RBL1: variants seen among roughly 807,000 people sequenced by gnomAD.
The protein encoded by RBL1 is RB transcriptional corepressor like 1, also known as retinoblastoma-like protein 1.
In RBL1, 82 loss-of-function variants were observed where a neutral mutation model predicts 123.0. The observed-to-expected ratio is 0.67, with a 90% confidence interval of 0.56 to 0.80. The LOEUF (loss-of-function observed/expected upper bound fraction) is 0.80. RBL1 is among the 30% of genes least tolerant of loss of function. The probability of loss-of-function intolerance (pLI) is 0.00; values close to 1 mark genes in which losing one functional copy is unlikely to be tolerated. For synonymous variants in RBL1, 405 were observed against 441.3 expected (o/e 0.92, Z 1.03); for missense variants, 1,171 against 1,299.6 (o/e 0.90, Z 1.52).
intron 18 of RBL1, among the ~76,000 whole-genome samples, chr20:37,018,629 C>G (rs1394399979): frequency 6.6e-6 from 1 of 152,126 alleles, no homozygotes; most frequent in African/African-American, 2.4e-5. Context: ...GACTGATGAT[C>G]AGGTTTTACT....
At chr20:37,035,113 A>G in intron 15 of RBL1, 129 bp downstream of exon 15, 2 of 929,608 alleles carry the variant, frequency 2.2e-6, no homozygotes, top group Non-Finnish European at 3.1e-6. Flanking sequence ...ATTCAAATCT[A>G]TTTAAAAAAA....
In RBL1 at chr20:37,061,227, A is replaced by G; in HGVS notation, c.1126T>C (p.Tyr376His). The G allele has an allele frequency of 6.2e-7, 1 of 1,614,096 alleles. No homozygotes were observed. Among genetic ancestry groups the G allele is most frequent in the Non-Finnish European group, 8.5e-7 (1 of 1,180,008 alleles). Residue 376 changes from tyrosine (Y) to histidine (H), a missense_variant, in exon 9 of 22, where the codon TAT becomes CAT. Transcript: ENST00000373664. ...APSTPLTGRR[Y>H]LREKEAVITP... ...ATGACTGCTTCTTTTTCTCGTAAAT[A>G]TCTCCGTCCGGTCAGTGGGGTAGAA...
chr20:37,068,745 G>A (rs969314587), intron 2 of RBL1, among the ~76,000 whole-genome samples: 4 of 150,992 alleles, frequency 2.6e-5, no homozygotes, highest in African/African-American at 9.8e-5. Flanking sequence ...TATAAAATTA[G>A]TTTGAGATCA....
intron 16 of RBL1, among the ~76,000 whole-genome samples, chr20:37,027,405 C>A (rs1472850982): frequency 6.6e-6 from 1 of 152,122 alleles, no homozygotes; most frequent in Non-Finnish European, 1.5e-5. Flanking sequence ...GACCCAGGTA[C>A]TCGGAGGGTA....
rs2065280307 is a variant in RBL1 at position 37,071,444 on chromosome 20, C to T, written c.291-3258G>A. 2.6e-5 allele frequency among the ~76,000 whole-genome samples: 4 copies of T among 152,088 alleles called. No homozygotes were observed. The South Asian group carries it at 8.3e-4, about 32-fold the overall frequency. ...GGTGAGGCTGGAGGATCACCTGAGC[C>T]CACCAGTTTGAGACCAGCTTGGGCA... On this transcript the variant is annotated intron_variant, in intron 2 of 21. Transcript: ENST00000373664.
chr20:36,997,544 A>G lies in RBL1; in HGVS notation c.*1215T>C, dbSNP rs1035286233. ...TGAGATGATATTTATGTGATTTTTA[A>G]AAGGTTTAAAATATTCTTAGGGACT... On this transcript the variant is annotated 3_prime_UTR_variant, in exon 22 of 22. Transcript: ENST00000373664. 6.6e-6 allele frequency: 1 copy of G among 152,190 alleles called. No individual in the cohort carries two copies. The highest frequency in any genetic ancestry group is 2.4e-5 in the African/African-American group (1 of 41,442). 9.4% of individuals were successfully genotyped at this position (152,190 alleles called of 1,614,324 possible). A position where few individuals can be genotyped will look rare whatever the true frequency, so the allele number is the denominator to read the frequency against.
chr20:37,005,566 A>G (rs2064057288), intron 20 of RBL1, among the ~76,000 whole-genome samples: 1 of 152,214 alleles, frequency 6.6e-6, no homozygotes, highest in Non-Finnish European at 1.5e-5. Flanking sequence ...TCCAACGTGG[A>G]AAAAATCTGT....
At chr20:37,069,968 G>A (rs886129709) in intron 2 of RBL1, among the ~76,000 whole-genome samples, 3 of 152,244 alleles carry the variant, frequency 2.0e-5, no homozygotes, top group African/African-American at 7.2e-5. Context: ...TCTGGGAGGT[G>A]TGCCCAACAG....
intron 1 of RBL1, among the ~76,000 whole-genome samples, chr20:37,090,392 A>C (rs1213617181): frequency 6.6e-6 from 1 of 152,246 alleles, no homozygotes; most frequent in East Asian, 1.9e-4. Flanking sequence ...AAAATTTGTC[A>C]GCATGACTTT....
intron 2 of RBL1, among the ~76,000 whole-genome samples, chr20:37,085,731 A>G (rs1427403578): frequency 2.4e-5 from 3 of 125,706 alleles, no homozygotes; most frequent in African/African-American, 9.5e-5. Flanking sequence ...TCGGCTCGCT[A>G]TAAGCGCCGC....
At chr20:37,060,029 G>A (rs6017156) in intron 9 of RBL1, among the ~76,000 whole-genome samples, 19 of 152,050 alleles carry the variant, frequency 1.2e-4, no homozygotes, top group African/African-American at 4.3e-4. Flanking sequence ...AAAATTAGCT[G>A]GGCGTGGTGG....
chr20:37,085,093 T>G (rs1292184605), intron 2 of RBL1, among the ~76,000 whole-genome samples: 1 of 151,410 alleles, frequency 6.6e-6, no homozygotes, highest in Non-Finnish European at 1.5e-5. Flanking sequence ...AATGGTTAAT[T>G]ACGGAGAGTG....
At position 37,062,645 on chromosome 20, in the gene RBL1, C is replaced by CAAAAAA. The variant is rs60370479; in HGVS notation, c.897-381_897-376dup. Among the ~76,000 whole-genome samples the CAAAAAA allele has an allele frequency of 5.0e-5, 2 of 40,110 alleles. 1 individual carries two copies. Among genetic ancestry groups the CAAAAAA allele is most frequent in the African/African-American group, 2.0e-4 (2 of 9,812 alleles). 26.3% of individuals were successfully genotyped at this position (40,110 alleles called of 152,430 possible). On this transcript the variant is annotated intron_variant, in intron 7 of 21. Coordinates refer to ENST00000373664, the MANE Select transcript of RBL1 (RefSeq NM_002895.5). ...CTGGCAACAGAACAAGACTCTGTCT[C>CAAAAAA]AAAAAAAAAAAAAAAAAAAAAAAAA...
chr20:37,084,882 T>TA (rs1325828459), intron 2 of RBL1, among the ~76,000 whole-genome samples: 5 of 151,924 alleles, frequency 3.3e-5, no homozygotes, highest in Non-Finnish European at 5.9e-5. Flanking sequence ...TCTCTTGCCT[T>TA]AGCCTCCCGA....
chr20:37,014,954 T>C (rs6130330), intron 19 of RBL1, among the ~76,000 whole-genome samples: 20,599 of 150,658 alleles, frequency 0.14, 2,133 homozygotes, highest in East Asian at 0.48. Flanking sequence ...TCCCAGCTAC[T>C]CGGGAGGCTG....
intron 16 of RBL1, among the ~76,000 whole-genome samples, chr20:37,023,057 T>A (rs1430779742): frequency 6.6e-6 from 1 of 152,164 alleles, no homozygotes; most frequent in Non-Finnish European, 1.5e-5. Context: ...CTGCCAACTA[T>A]GTAAAGTAAG....
intron 14 of RBL1, 47 bp from the exon 15 acceptor site, chr20:37,035,555 T>C (rs2064596475): frequency 7.0e-7 from 1 of 1,422,658 alleles, no homozygotes; most frequent in Non-Finnish European, 9.4e-7. Context: ...TCCAAAATAA[T>C]AAATTAGGTT....
Position 37,044,189 on chromosome 20 carries a change from T to C in RBL1, c.1667A>G (p.Asn556Ser). 6.2e-7 allele frequency: 1 copy of C among 1,613,962 alleles called. No homozygotes were observed. The highest frequency in any genetic ancestry group is 8.5e-7 in the Non-Finnish European group (1 of 1,179,962). ...CTCCAAAATCTGTTCTTCAATGCTG[T>C]TTAGGTGTTTCACCATGTCCCTTGA... ...GLSRDMVKHL[N>S]SIEEQILESL... Residue 556 changes from asparagine (N) to serine (S), a missense_variant, in exon 13 of 22, where the codon AAC (asparagine) becomes AGC (serine). Coordinates refer to ENST00000373664, the MANE Select transcript of RBL1 (RefSeq NM_002895.5).
chr20:37,066,304 C>T (rs1007887602), intron 6 of RBL1, among the ~76,000 whole-genome samples: 2 of 152,186 alleles, frequency 1.3e-5, no homozygotes, highest in African/African-American at 4.8e-5. Flanking sequence ...GGATTTTCTG[C>T]TCGATTTACA....
Sources: gnomAD v4.1 joint callset for allele counts (sites outside exome capture counted in the v4.1 genomes callset) on GRCh38, gnomAD v4.1.1 for gene constraint, MANE v1.5 for transcripts, NCBI Gene and HGNC (gene_info 2026-07-23, HGNC 2026-07-21) for gene names.